RAP1GAP: variants seen among roughly 807,000 people sequenced by gnomAD.
RAP1GAP encodes the protein rap1 GTPase-activating protein 1.
RAP1GAP carries 35 observed loss-of-function variants against 87.2 expected under a neutral mutation model. That is an observed-to-expected ratio of 0.40 (90% CI 0.31 to 0.53). The LOEUF is 0.53. Ranked by LOEUF, RAP1GAP falls within the 20% of genes least tolerant of loss-of-function variation. The pLI is 0.48. For synonymous variants in RAP1GAP, 375 were observed against 363.9 expected, an observed-to-expected ratio of 1.03 and a Z score of -0.35; for missense variants, 734 against 898.9, an observed-to-expected ratio of 0.82 and a Z score of 2.35.
chr1:21,641,326 C>T (rs1010345512), intron 2 of RAP1GAP, among the ~76,000 whole-genome samples: 21 of 152,100 alleles, frequency 1.4e-4, no homozygotes, highest in African/African-American at 3.4e-4. Flanking sequence ...AGCTTTGGGG[C>T]GGGGGAAGGA....
intron 2 of RAP1GAP, among the ~76,000 whole-genome samples, chr1:21,630,632 A>G (rs1263803280): frequency 6.6e-6 from 1 of 152,130 alleles, no homozygotes; most frequent in Non-Finnish European, 1.5e-5. Flanking sequence ...GGCTCACTGC[A>G]GCCTTGAACT....
chr1:21,626,982 C>T (rs549136757), intron 2 of RAP1GAP: 72 of 456,730 alleles, frequency 1.6e-4, no homozygotes, highest in African/African-American at 1.2e-3. Context: ...CACGGCTGGC[C>T]GGCAGCAAAG....
intron 1 of RAP1GAP, among the ~76,000 whole-genome samples, chr1:21,653,594 C>CTTTCCTT (rs1558897512): frequency 7.4e-5 from 6 of 81,088 alleles, no homozygotes; most frequent in Non-Finnish European, 1.4e-4. Flanking sequence ...CTTCCTTCCT[C>CTTTCCTT]CCTCCCTCCC....
In RAP1GAP at chr1:21,610,299, C is replaced by T. The variant is rs371686482; in HGVS notation, c.844-24G>A. 720 of 1,613,314 alleles carry T rather than the reference C, an allele frequency of 4.5e-4. 11 individuals are homozygous for T. In the South Asian group the frequency reaches 6.9e-3, roughly 15 times the overall value. ...AACTGAGCACAAAGCCACGGGCCTT[C>T]GTGGTCTGGCCAGAGGGGGCCCATG... On this transcript the variant is annotated intron_variant, in intron 13 of 24. Coordinates refer to ENST00000374765, the MANE Select transcript of RAP1GAP (RefSeq NM_002885.4).
Position 21,634,126 on chromosome 1 carries a change from T to G in RAP1GAP, c.-112-7729A>C, listed in dbSNP as rs2094314423. 6.6e-6 allele frequency among the ~76,000 whole-genome samples: 1 copy of G among 151,608 alleles called. No homozygotes were observed. Among genetic ancestry groups the G allele is most frequent in the South Asian group, 2.1e-4 (1 of 4,820 alleles). On this transcript the variant is annotated intron_variant, in intron 2 of 24. Coordinates refer to ENST00000374765, the MANE Select transcript of RAP1GAP (RefSeq NM_002885.4). This position sits in a 1 kb window ranked among gnomAD's most constrained non-coding sequence, Gnocchi z 4.1. ...CAACCAGCCGGCACTGCCCTCCCCT[T>G]GGCTTGCCCCTGTCCCTGCCAAAGT...
intron 18 of RAP1GAP, among the ~76,000 whole-genome samples, chr1:21,604,658 C>A (rs1020940293): frequency 2.0e-5 from 3 of 151,998 alleles, no homozygotes; most frequent in Admixed American, 6.6e-5. Flanking sequence ...CTGCTCCTCG[C>A]ATGACAGTGT....
At position 21,608,237 on chromosome 1, in the gene RAP1GAP, G is replaced by A; in HGVS notation, c.1272C>T (p.Gly424=). 1 of 1,613,898 alleles carries A rather than the reference G, an allele frequency of 6.2e-7. No individual in the cohort carries two copies. Among genetic ancestry groups the A allele is most frequent in the Non-Finnish European group, 8.5e-7 (1 of 1,179,892 alleles). The part of the protein sequence containing the change: ...DEDKMENGSG[G]GGFFESFKRV... ...CCTTGAAAGACTCAAAGAAGCCGCCGCCCCCACTGCCATTCTCCATCTTGT... is the reference window on the plus strand; with the variant it reads ...CCTTGAAAGACTCAAAGAAGCCGCCACCCCCACTGCCATTCTCCATCTTGT... Residue 424 remains glycine, a synonymous_variant, in exon 17 of 25, where the codon GGC becomes GGT. Transcript: ENST00000374765.
rs146679615 is a variant in RAP1GAP, at chr1:21,629,762, C to T, written c.-112-3365G>A. On this transcript the variant is annotated intron_variant, in intron 2 of 24. Coordinates refer to ENST00000374765, the MANE Select transcript of RAP1GAP (RefSeq NM_002885.4). The stretch of plus-strand genomic sequence containing the variant: ...TAATCCTCACAGTTCCCCAAAGAGG[C>T]AGATGTTCAGAAACCTCCTGCTTTC... Among the ~76,000 whole-genome samples the T allele has an allele frequency of 1.2e-3, 185 of 152,360 alleles. 2 individuals carry two copies. Among genetic ancestry groups the T allele is most frequent in the African/African-American group, 4.1e-3 (171 of 41,588 alleles).
At chr1:21,626,734 C>T (rs1250739501) in intron 2 of RAP1GAP, among the ~76,000 whole-genome samples, 2 of 152,096 alleles carry the variant, frequency 1.3e-5, no homozygotes, top group South Asian at 2.1e-4. Flanking sequence ...AAGCAGGGTG[C>T]CCCCGCCTCT....
Position 21,608,865 on chromosome 1 carries a change from C to A in RAP1GAP, c.1143G>T (p.Lys381Asn), listed in dbSNP as rs74060020. The A allele has an allele frequency of 6.8e-6, 11 of 1,614,098 alleles. No individual in the cohort carries two copies. Among genetic ancestry groups the A allele is most frequent in the Non-Finnish European group, 9.3e-6 (11 of 1,179,946 alleles). Residue 381 changes from lysine (K) to asparagine (N), a missense_variant, in exon 16 of 25, where the codon AAG becomes AAT. Around this residue, in one of 2 missense-constraint regions of RAP1GAP, gnomAD observed 485 missense variants for 646.2 expected, o/e 0.75. Transcript: ENST00000374765. Reference protein sequence around the residue: ...NAEYACYKAEKFAKLEERTRA... With the variant: ...NAEYACYKAENFAKLEERTRA... ...CCATCCTCACCTCCAGTTTGGCAAA[C>A]TTCTCTGCCTTGTAGCAGGCATATT...
intron 1 of RAP1GAP, 112 bp from the exon 2 acceptor site, chr1:21,649,908 G>A (rs536351658): frequency 8.7e-7 from 1 of 1,143,800 alleles, no homozygotes; most frequent in East Asian, 2.6e-5. Flanking sequence ...GCTGGAGAAG[G>A]TCCTGTTTCT....
At chr1:21,642,163 C>G (rs545198213) in intron 2 of RAP1GAP, among the ~76,000 whole-genome samples, 52 of 152,372 alleles carry the variant, frequency 3.4e-4, no homozygotes, top group African/African-American at 1.2e-3. Context: ...AAGGCCAGTG[C>G]CCACGGCTGG....
intron 7 of RAP1GAP, among the ~76,000 whole-genome samples, chr1:21,614,500 C>T (rs1202304665): frequency 6.6e-6 from 1 of 152,176 alleles, no homozygotes; most frequent in Non-Finnish European, 1.5e-5. Context: ...GGGCTGGGCA[C>T]CCAGCAGGTG....
At position 21,635,768 on chromosome 1, in the gene RAP1GAP, AC is replaced by A. The variant is rs1422915997; in HGVS notation, c.-112-9372del. On this transcript the variant is annotated intron_variant, in intron 2 of 24. Transcript: ENST00000374765. Reference sequence around the variant, plus strand: ...GGATAGACAAGGTCACCATCTCCTAACCAAAGGTGACATGGGGAAGCCCTAG... The same window carrying A: ...GGATAGACAAGGTCACCATCTCCTAACAAAGGTGACATGGGGAAGCCCTAG... Among the ~76,000 whole-genome samples the A allele has an allele frequency of 2.0e-5, 3 of 152,330 alleles. No individual in the cohort carries two copies. The East Asian group carries it at 5.8e-4, about 29-fold the overall frequency.
At chr1:21,639,846 G>A (rs936031368) in intron 2 of RAP1GAP, among the ~76,000 whole-genome samples, 2 of 152,196 alleles carry the variant, frequency 1.3e-5, no homozygotes, top group Admixed American at 6.5e-5. Flanking sequence ...GCGAGAGGGT[G>A]TGTGTGACTC....
In RAP1GAP at chr1:21,602,827, G is replaced by A. The variant is rs1452727856; in HGVS notation, c.1515C>T (p.Asn505=). 16 of 1,609,814 alleles carry A rather than the reference G, an allele frequency of 9.9e-6. No homozygotes were observed. The highest frequency in any genetic ancestry group is 1.3e-5 in the African/African-American group (1 of 74,930). The part of the protein sequence containing the change: ...SRRSSAIGIE[N]IQEVQEKRES... The stretch of plus-strand genomic sequence containing the variant: ...ACCTCTTCTCCTGCACCTCCTGTAT[G>A]TTCTCGATGCCAATGGCGCTGCTGC... The change falls in exon 19 of 25, where the codon AAC becomes AAT. Residue 505 remains asparagine, a synonymous_variant. Coordinates refer to ENST00000374765, the MANE Select transcript of RAP1GAP (RefSeq NM_002885.4).
intron 1 of RAP1GAP, among the ~76,000 whole-genome samples, chr1:21,654,966 C>G (rs917011960): frequency 6.6e-6 from 1 of 151,984 alleles, no homozygotes; most frequent in Admixed American, 6.6e-5. Flanking sequence ...CATGGTGAAG[C>G]CCCATCTCTA....
In RAP1GAP at chr1:21,609,565, TGCCCC is replaced by T; in HGVS notation, c.1071+5_1071+9del. ...CCTGCTCTGCCCATGACTGGGGGGG[TGCCCC>T]TCACCTTCCTGAACACAGCGGGGTC... is the stretch of plus-strand genomic sequence containing the variant. On this transcript the variant is annotated splice_donor_5th_base_variant and intron_variant, in intron 15 of 24. Coordinates refer to ENST00000374765, the MANE Select transcript of RAP1GAP (RefSeq NM_002885.4). This position sits in a 1 kb window ranked among gnomAD's most constrained non-coding sequence, Gnocchi z 4.4. The T allele has an allele frequency of 6.7e-7, 1 of 1,486,378 alleles. No homozygotes were observed. The highest frequency in any genetic ancestry group is 9.1e-7 in the Non-Finnish European group (1 of 1,101,502). The allele number at this position is 1,486,378 out of a possible 1,614,324, so 92.1% of individuals were successfully genotyped here.
chr1:21,653,456 G>A (rs3767122), intron 1 of RAP1GAP: 14,576 of 152,520 alleles, frequency 0.096, 950 homozygotes, highest in East Asian at 0.25. Flanking sequence ...GGGCAGTGCT[G>A]TAGAGTCCTG....
Sources: allele counts gnomAD v4.1 joint callset (sites outside exome capture counted in the v4.1 genomes callset), GRCh38; gene constraint gnomAD v4.1.1; regional missense constraint gnomAD v4.1.1; non-coding constraint Gnocchi (gnomAD v3.1); transcripts MANE v1.5; gene names NCBI Gene and HGNC (gene_info 2026-07-23, HGNC 2026-07-21).